The following CNTN1 variants were observed in gnomAD, a reference collection of about 807,000 sequenced individuals.
CNTN1 encodes contactin-1.
Under a neutral mutation model 126.4 loss-of-function variants are expected in CNTN1, and 38 were observed. The observed-to-expected ratio is 0.30, with a 90% CI of 0.23 to 0.39. CNTN1 has a LOEUF of 0.39. Ranked by LOEUF, CNTN1 falls within the 10% of genes least tolerant of loss-of-function variation. The pLI is 1.00. For synonymous variants in CNTN1, 413 were observed against 422.6 expected, an observed-to-expected ratio of 0.98 and a Z score of 0.28; for missense variants, 1,009 against 1,248.4, an observed-to-expected ratio of 0.81 and a Z score of 2.89.
intron 1 of CNTN1, among the ~76,000 whole-genome samples, chr12:40,882,229 T>C (rs957713677): frequency 2.0e-5 from 3 of 151,722 alleles, no homozygotes; most frequent in African/African-American, 7.2e-5. Flanking sequence ...TATGGAATGA[T>C]ATAGAGAGAA....
intron 12 of CNTN1, among the ~76,000 whole-genome samples, chr12:40,941,829 A>G (rs1299852424): frequency 1.3e-5 from 2 of 152,096 alleles, no homozygotes; most frequent in Non-Finnish European, 2.9e-5. Flanking sequence ...TAGTATCTGG[A>G]AATAAGGATA....
chr12:41,032,367 CAAAAAAAA>C (rs35270939), intron 23 of CNTN1, among the ~76,000 whole-genome samples: 8 of 78,366 alleles, frequency 1.0e-4, no homozygotes, highest in African/African-American at 2.0e-4. Flanking sequence ...GACTCCGTCT[CAAAAAAAA>C]AAAAAAAAGA....
intron 14 of CNTN1, among the ~76,000 whole-genome samples, chr12:40,947,900 G>A (rs1946496241): frequency 6.6e-6 from 1 of 150,782 alleles, no homozygotes; most frequent in African/African-American, 2.4e-5. Flanking sequence ...TGTCTTATAT[G>A]AATTCATAAA....
chr12:40,787,073 T>TA (rs1940050408), intron 1 of CNTN1, among the ~76,000 whole-genome samples: 1 of 152,168 alleles, frequency 6.6e-6, no homozygotes, highest in South Asian at 2.1e-4. Flanking sequence ...GGGGATATAT[T>TA]AAAAAATCTG....
At position 41,070,300 on chromosome 12, in the gene CNTN1, C is replaced by T; in HGVS notation, c.*265C>T. On this transcript the variant is annotated 3_prime_UTR_variant, in exon 24 of 24. Coordinates refer to ENST00000551295, the MANE Select transcript of CNTN1 (RefSeq NM_001843.4). ...TAAACCACTTAACCTGATTCTGTGA[C>T]AGTTGCATGATTTAACCCAATGGGA... The T allele has an allele frequency of 2.0e-6, 1 of 498,922 alleles. No individual in the cohort carries two copies. The highest frequency in any genetic ancestry group is 3.7e-6 in the Non-Finnish European group (1 of 273,926). 30.9% of individuals were successfully genotyped at this position (498,922 alleles called of 1,614,324 possible).
intron 1 of CNTN1, among the ~76,000 whole-genome samples, chr12:40,837,390 G>A (rs1010400265): frequency 2.0e-5 from 3 of 152,120 alleles, no homozygotes; most frequent in Admixed American, 1.3e-4. Flanking sequence ...CCAGGGATTA[G>A]GTGAGCAAGA....
At chr12:40,930,474 C>A (rs1167435253) in intron 7 of CNTN1, among the ~76,000 whole-genome samples, 1 of 151,886 alleles carries the variant, frequency 6.6e-6, no homozygotes, top group Admixed American at 6.6e-5. Context: ...AATAAATGGT[C>A]TTTTCTAATC....
chr12:40,702,101 T>G (rs1242624436), intron 1 of CNTN1, among the ~76,000 whole-genome samples: 1 of 2,878 alleles, frequency 3.5e-4, no homozygotes, highest in East Asian at 0.25. Flanking sequence ...TTGTATCGGA[T>G]TTTTTTTTTT....
intron 1 of CNTN1, among the ~76,000 whole-genome samples, chr12:40,905,090 C>T (rs1032324087): frequency 2.0e-5 from 3 of 152,194 alleles, no homozygotes; most frequent in Admixed American, 1.3e-4. Flanking sequence ...AGCCAAAATT[C>T]GGCAAGATAT....
At position 40,759,774 on chromosome 12, in the gene CNTN1, A is replaced by ATTTTTTT. The variant is rs33992864; in HGVS notation, c.-77+67195_-77+67201dup. On this transcript the variant is annotated intron_variant, in intron 1 of 23. Transcript: ENST00000551295. ...GTGAGCCACCTCACTTGGCCCAGAT[A>ATTTTTTT]TTTTTTTTTTTTTTTTTTTCAAAAA... 3.7e-5 allele frequency among the ~76,000 whole-genome samples: 5 copies of ATTTTTTT among 133,582 alleles called. No homozygotes were observed. In the East Asian group the frequency reaches 6.7e-4, roughly 18 times the overall value. 87.6% of individuals were successfully genotyped at this position (133,582 alleles called of 152,430 possible).
chr12:40,981,030 G>A lies in CNTN1; in HGVS notation c.1926G>A (p.Lys642=). 1 of 1,613,436 alleles carries A rather than the reference G, an allele frequency of 6.2e-7. No individual in the cohort carries two copies. The highest frequency in any genetic ancestry group is 8.5e-7 in the Non-Finnish European group (1 of 1,179,766). The change falls in exon 16 of 24, where the codon AAG becomes AAA. Residue 642 remains lysine (K), a synonymous_variant. Transcript: ENST00000551295. ...SPISKYTIQT[K]TILSDDWKDA... is the part of the protein sequence containing the mutation. ...TTTCTAAATACACTATCCAGACCAA[G>A]ACTATTCTTTCAGATGACTGGAAAG...
chr12:40,938,069 A>C (rs768538989), intron 11 of CNTN1, among the ~76,000 whole-genome samples: 3 of 152,186 alleles, frequency 2.0e-5, no homozygotes, highest in Non-Finnish European at 2.9e-5. Flanking sequence ...ACCCAGATGA[A>C]GATATGCTTA....
chr12:40,978,290 AT>A (rs1427131623), intron 15 of CNTN1, among the ~76,000 whole-genome samples: 4 of 151,862 alleles, frequency 2.6e-5, no homozygotes, highest in Non-Finnish European at 1.5e-5. Context: ...TTTCTCAGGC[AT>A]TTTTGGGGAG....
chr12:40,968,634 G>A (rs911261554), intron 15 of CNTN1, among the ~76,000 whole-genome samples: 1 of 152,046 alleles, frequency 6.6e-6, no homozygotes, highest in Non-Finnish European at 1.5e-5. Flanking sequence ...TACACTTATA[G>A]GATTTTCCTA....
At chr12:40,967,332 T>A (rs936437138) in intron 15 of CNTN1, among the ~76,000 whole-genome samples, 1 of 151,552 alleles carries the variant, frequency 6.6e-6, no homozygotes, top group Non-Finnish European at 1.5e-5. Context: ...AATAAAAAAA[T>A]TATTGGGTGT....
At chr12:40,958,441 T>C (rs1256327606) in intron 14 of CNTN1, among the ~76,000 whole-genome samples, 1 of 151,706 alleles carries the variant, frequency 6.6e-6, no homozygotes, top group East Asian at 1.9e-4. Flanking sequence ...AGGCATTGAA[T>C]AACTATTAGC....
intron 1 of CNTN1, among the ~76,000 whole-genome samples, chr12:40,856,449 T>C (rs1477268273): frequency 6.6e-6 from 1 of 152,002 alleles, no homozygotes; most frequent in Non-Finnish European, 1.5e-5. Context: ...AGTAGGGAAA[T>C]AGAATGATTT....
chr12:40,979,440 A>T (rs1947764975), intron 15 of CNTN1, among the ~76,000 whole-genome samples: 1 of 152,098 alleles, frequency 6.6e-6, no homozygotes, highest in Admixed American at 6.6e-5. Flanking sequence ...TATAAATATA[A>T]AGGTATATAT....
chr12:40,858,484 A>C (rs1565841975), intron 1 of CNTN1, among the ~76,000 whole-genome samples: 1 of 152,204 alleles, frequency 6.6e-6, no homozygotes, highest in Non-Finnish European at 1.5e-5. Context: ...TTACTAAAAA[A>C]GTCAAGAAAC....
Sources: allele counts gnomAD v4.1 joint callset (sites outside exome capture counted in the v4.1 genomes callset), GRCh38; gene constraint gnomAD v4.1.1; transcripts MANE v1.5; gene names NCBI Gene and HGNC (gene_info 2026-07-23, HGNC 2026-07-21).